TOP6BL: variants seen among roughly 807,000 people sequenced by gnomAD.
TOP6BL encodes the protein TOP6B like initiator of meiotic double strand breaks, also known as type 2 DNA topoisomerase 6 subunit B-like.
the TOP6BL span, among the ~76,000 whole-genome samples, chr11:66,836,366 C>T: frequency 3.3e-5 from 5 of 151,782 alleles, no homozygotes; most frequent in Admixed American, 1.3e-4. Context: ...CCCACTACCA[C>T]GCCCGGCTAA....
the TOP6BL span, among the ~76,000 whole-genome samples, chr11:66,777,057 CTATATCTA>C: frequency 2.0e-5 from 3 of 150,018 alleles, no homozygotes; most frequent in African/African-American, 7.3e-5. Context: ...ATCTATATAT[CTATATCTA>C]TATATCTATA....
chr11:66,760,300 C>T, the TOP6BL span, among the ~76,000 whole-genome samples: 1 of 150,488 alleles, frequency 6.6e-6, no homozygotes, highest in Non-Finnish European at 1.5e-5. Context: ...AAAAATTAGC[C>T]AGGCATGGTG....
At chr11:66,822,641 C>T in the TOP6BL span, 1 of 1,551,648 alleles carries the variant, frequency 6.4e-7, no homozygotes, top group Non-Finnish European at 8.7e-7. Context: ...GCACTAGGAG[C>T]AGCTTCCGAA....
chr11:66,762,027 AT>A, the TOP6BL span: 43 of 1,497,534 alleles, frequency 2.9e-5, no homozygotes, highest in Middle Eastern at 2.1e-4. Context: ...AGTGACAGTG[AT>A]TTTTTCCCCC....
chr11:66,761,962 G>A, the TOP6BL span: 4 of 1,562,270 alleles, frequency 2.6e-6, no homozygotes, highest in Admixed American at 1.7e-5. Context: ...TTCTGCCCTT[G>A]CGAGGGTTCC....
At chr11:66,838,477 A>T in the TOP6BL span, 1 of 1,584,734 alleles carries the variant, frequency 6.3e-7, no homozygotes, top group Non-Finnish European at 8.7e-7. Context: ...TGAGCCCTGG[A>T]CTGCAGCAGA....
chr11:66,774,405 TCTC>T, the TOP6BL span, among the ~76,000 whole-genome samples: 1 of 152,212 alleles, frequency 6.6e-6, no homozygotes, highest in African/African-American at 2.4e-5. Flanking sequence ...AGGGCAAATC[TCTC>T]CTCCTTGTTT....
At chr11:66,803,344 G>A in the TOP6BL span, among the ~76,000 whole-genome samples, 1 of 152,152 alleles carries the variant, frequency 6.6e-6, no homozygotes, top group Non-Finnish European at 1.5e-5. Flanking sequence ...CACTTTGGGA[G>A]GCCAAGGCAG....
chr11:66,795,918 A>G, the TOP6BL span: 99 of 163,116 alleles, frequency 6.1e-4, no homozygotes, highest in African/African-American at 2.1e-3. Context: ...CTAAAAAAGC[A>G]TAACTCAGAT....
the TOP6BL span, among the ~76,000 whole-genome samples, chr11:66,791,589 A>G: frequency 6.4e-4 from 97 of 152,310 alleles, no homozygotes; most frequent in African/African-American, 2.3e-3. Flanking sequence ...ATTTGAAAAC[A>G]TACTTCTATA....
chr11:66,793,746 C>T, the TOP6BL span, among the ~76,000 whole-genome samples: 3 of 151,748 alleles, frequency 2.0e-5, no homozygotes, highest in African/African-American at 7.2e-5. Flanking sequence ...GCACCTGGCC[C>T]AATTTTTTCT....
the TOP6BL span, among the ~76,000 whole-genome samples, chr11:66,784,990 C>G: frequency 1.7e-5 from 2 of 118,746 alleles, no homozygotes; most frequent in Non-Finnish European, 3.2e-5. Context: ...GAGTCTCGCT[C>G]TATCGCCCAG....
the TOP6BL span, among the ~76,000 whole-genome samples, chr11:66,747,510 G>A: frequency 6.8e-6 from 1 of 147,478 alleles, no homozygotes; most frequent in Non-Finnish European, 1.5e-5. Context: ...TGCGCTCAGC[G>A]TTGCACGTAC....
chr11:66,746,217 C>T, the TOP6BL span, among the ~76,000 whole-genome samples: 7 of 152,218 alleles, frequency 4.6e-5, no homozygotes, highest in Non-Finnish European at 8.8e-5. Context: ...GTTCCCAGAT[C>T]TCCCTGCCTT....
the TOP6BL span, among the ~76,000 whole-genome samples, chr11:66,817,267 G>C: frequency 2.6e-4 from 40 of 152,266 alleles, no homozygotes; most frequent in African/African-American, 8.7e-4. Flanking sequence ...TTTAAAAAAT[G>C]CACACCTGTT....
At chr11:66,744,998 A>G in the TOP6BL span, 2 of 1,222,302 alleles carry the variant, frequency 1.6e-6, no homozygotes, top group Non-Finnish European at 2.1e-6. Context: ...AAGTTTGGGC[A>G]GAGGGGTCGG....
chr11:66,752,528 T>C, the TOP6BL span, among the ~76,000 whole-genome samples: 2 of 152,106 alleles, frequency 1.3e-5, no homozygotes, highest in African/African-American at 4.8e-5. Flanking sequence ...CTCGACTTAC[T>C]GCAACCTCCG....
the TOP6BL span, among the ~76,000 whole-genome samples, chr11:66,823,840 C>G: frequency 6.6e-6 from 1 of 152,054 alleles, no homozygotes; most frequent in Non-Finnish European, 1.5e-5. Flanking sequence ...AAAAAAAGAA[C>G]AGAGCTAGGA....
the TOP6BL span, among the ~76,000 whole-genome samples, chr11:66,780,449 A>G: frequency 1.3e-5 from 2 of 152,164 alleles, no homozygotes; most frequent in Non-Finnish European, 2.9e-5. Flanking sequence ...TTCTATCTTA[A>G]AATGCCTTTA....
Sources: allele counts gnomAD v4.1 joint callset (sites outside exome capture counted in the v4.1 genomes callset), GRCh38; gene constraint gnomAD v4.1.1; transcripts MANE v1.5; gene names NCBI Gene and HGNC (gene_info 2026-07-23, HGNC 2026-07-21).